CCNB2: variants seen among roughly 807,000 people sequenced by gnomAD.
The protein encoded by CCNB2 is cyclin B2.
A neutral mutation model predicts 51.1 loss-of-function variants in CCNB2; 39 were observed. That is an observed-to-expected ratio of 0.76 (90% CI 0.59 to 1.00). CCNB2 has a LOEUF of 1.00. Among genes scored for constraint, CCNB2 ranks in the 50% least tolerant of loss-of-function variants. CCNB2 has a pLI of 0.00. For missense variants in CCNB2, 472 were observed against 470.3 expected, an observed-to-expected ratio of 1.00 and a Z score of -0.03; for synonymous variants, 174 against 165.5, an observed-to-expected ratio of 1.05 and a Z score of -0.40.
At chr15:59,121,662 T>G (rs2079302265) in intron 7 of CCNB2, 1 of 152,214 alleles carries the variant, frequency 6.6e-6, no homozygotes, top group African/African-American at 2.4e-5. Context: ...CTGGGCGCAG[T>G]GGCTCATGCC....
In CCNB2 at chr15:59,112,772, A is replaced by C. The variant is rs531116377; in HGVS notation, c.268-1672A>C. ...TGATTTGGCTGGGTGCAGTGGCTCA[A>C]GCCTGTAATCCCAACACTTTGGGAG... On this transcript the variant is annotated intron_variant, in intron 3 of 8. Transcript: ENST00000288207. 7.9e-5 allele frequency among the ~76,000 whole-genome samples: 12 copies of C among 152,014 alleles called. No homozygotes were observed. In the South Asian group the frequency reaches 1.0e-3, roughly 13 times the overall value.
At position 59,106,036 on chromosome 15, in the gene CCNB2, T is replaced by G. The variant is rs1022928422; in HGVS notation, c.24+744T>G. 3.0e-4 allele frequency among the ~76,000 whole-genome samples: 45 copies of G among 152,222 alleles called. 1 individual carries two copies. Among genetic ancestry groups the G allele is most frequent in the African/African-American group, 1.1e-3 (45 of 41,442 alleles). On this transcript the variant is annotated intron_variant, in intron 1 of 8. Coordinates refer to ENST00000288207, the MANE Select transcript of CCNB2 (RefSeq NM_004701.4). Reference sequence around the variant, plus strand: ...GGGTATTTTTCCTGTGGGCTTGAATTGTACCGGGACCTACTTTTTTCCTTT... The same window carrying G: ...GGGTATTTTTCCTGTGGGCTTGAATGGTACCGGGACCTACTTTTTTCCTTT...
chr15:59,119,626 TTATGTG>T (rs1289067923), intron 7 of CCNB2, among the ~76,000 whole-genome samples: 1 of 152,176 alleles, frequency 6.6e-6, no homozygotes, highest in African/African-American at 2.4e-5. Flanking sequence ...TGGAACTAGT[TTATGTG>T]TATTGTAGGA....
chr15:59,118,702 G>C (rs2079289519), intron 7 of CCNB2, among the ~76,000 whole-genome samples: 1 of 149,498 alleles, frequency 6.7e-6, no homozygotes, highest in Non-Finnish European at 1.5e-5. Context: ...ATATAAAAAA[G>C]AAGAAGTTGT....
At chr15:59,119,994 C>T (rs1285488117) in intron 7 of CCNB2, among the ~76,000 whole-genome samples, 1 of 152,176 alleles carries the variant, frequency 6.6e-6, no homozygotes, top group African/African-American at 2.4e-5. Context: ...AGACGTGAGC[C>T]ACTGTGCCTG....
chr15:59,105,440 C>G (rs2079231560), intron 1 of CCNB2, 148 bp downstream of exon 1: 1 of 956,246 alleles, frequency 1.0e-6, no homozygotes, highest in Admixed American at 2.2e-5. Flanking sequence ...GCGTCCCTGG[C>G]CCTGCGGCCG....
intron 7 of CCNB2, among the ~76,000 whole-genome samples, chr15:59,121,952 AAAAAAAAAAGG>A (rs2079303794): frequency 6.8e-6 from 1 of 147,082 alleles, no homozygotes; most frequent in African/African-American, 2.5e-5. Context: ...AAAAAAAAAA[AAAAAAAAAAGG>A]AGAAATTACC....
chr15:59,111,052 C>G (rs1176271136), intron 3 of CCNB2, among the ~76,000 whole-genome samples: 1 of 152,194 alleles, frequency 6.6e-6, no homozygotes, highest in Non-Finnish European at 1.5e-5. Flanking sequence ...GGAGTCATAG[C>G]TAGAACAGAT....
At chr15:59,115,836 TC>T (rs1336068084) in intron 5 of CCNB2, 3 of 152,178 alleles carry the variant, frequency 2.0e-5, no homozygotes, top group African/African-American at 7.2e-5. Flanking sequence ...GTTCAATCAA[TC>T]CTTCTACCTC....
chr15:59,122,850 C>A (rs1433588343), intron 7 of CCNB2, among the ~76,000 whole-genome samples: 1 of 152,196 alleles, frequency 6.6e-6, no homozygotes, highest in Non-Finnish European at 1.5e-5. Context: ...TATATATCTT[C>A]TTACATGATA....
At chr15:59,113,049 TA>T (rs1427263919) in intron 3 of CCNB2, among the ~76,000 whole-genome samples, 1 of 152,010 alleles carries the variant, frequency 6.6e-6, no homozygotes, top group African/African-American at 2.4e-5. Context: ...AAAAAACATT[TA>T]AAAAAGCAAA....
At chr15:59,113,715 T>G (rs981037074) in intron 3 of CCNB2, among the ~76,000 whole-genome samples, 4 of 152,102 alleles carry the variant, frequency 2.6e-5, no homozygotes, top group Non-Finnish European at 5.9e-5. Flanking sequence ...GGTGATAATT[T>G]TGTTTTTTGT....
intron 1 of CCNB2, among the ~76,000 whole-genome samples, chr15:59,107,060 A>G (rs186275249): frequency 2.4e-4 from 36 of 152,322 alleles, no homozygotes; most frequent in African/African-American, 8.4e-4. Context: ...TTACAGGCCC[A>G]CTTGAATACT....
At chr15:59,105,629 A>C (rs2079232706) in intron 1 of CCNB2, among the ~76,000 whole-genome samples, 1 of 152,188 alleles carries the variant, frequency 6.6e-6, no homozygotes, top group African/African-American at 2.4e-5. Context: ...CTAGAGAGTT[A>C]TCTACTTCCA....
At chr15:59,116,633 C>A in intron 5 of CCNB2, 57 bp from the exon 6 acceptor site, 3 of 1,259,280 alleles carry the variant, frequency 2.4e-6, no homozygotes, top group Non-Finnish European at 3.4e-6. Flanking sequence ...CCTTCTCCCA[C>A]CTAAAGCTTC....
At chr15:59,118,766 G>A (rs2079289762) in intron 7 of CCNB2, among the ~76,000 whole-genome samples, 1 of 152,226 alleles carries the variant, frequency 6.6e-6, no homozygotes, top group South Asian at 2.1e-4. Context: ...TGGCTGGGCG[G>A]CAGCTCTGCC....
intron 3 of CCNB2, among the ~76,000 whole-genome samples, chr15:59,112,692 T>C (rs555233205): frequency 5.9e-5 from 9 of 152,296 alleles, no homozygotes; most frequent in African/African-American, 2.2e-4. Context: ...TATATTTGTA[T>C]AGCTTAGCAT....
chr15:59,108,740 G>A (rs960793011), intron 3 of CCNB2, among the ~76,000 whole-genome samples: 14 of 152,196 alleles, frequency 9.2e-5, no homozygotes, highest in African/African-American at 2.7e-4. Flanking sequence ...AGGGACATCT[G>A]CCTGGAAATG....
At chr15:59,122,222 AT>A (rs1295044186) in intron 7 of CCNB2, among the ~76,000 whole-genome samples, 1 of 149,010 alleles carries the variant, frequency 6.7e-6, no homozygotes, top group Non-Finnish European at 1.5e-5. Context: ...GAACTCTTAA[AT>A]AAAGTCAGTT....
Sources: gnomAD v4.1 joint callset for allele counts (sites outside exome capture counted in the v4.1 genomes callset) on GRCh38, gnomAD v4.1.1 for gene constraint, MANE v1.5 for transcripts, NCBI Gene and HGNC (gene_info 2026-07-23, HGNC 2026-07-21) for gene names.